AHRR: variants seen among roughly 807,000 people sequenced by gnomAD.
The protein encoded by AHRR is aryl hydrocarbon receptor repressor.
Under a neutral mutation model 44.0 loss-of-function variants are expected in AHRR, and 28 were observed. The ratio of observed to expected loss-of-function variants is 0.64; its 90% CI spans 0.47 to 0.87. The LOEUF (loss-of-function observed/expected upper bound fraction) is 0.87. Ranked by LOEUF, AHRR falls within the 40% of genes least tolerant of loss-of-function variation. The probability of loss-of-function intolerance (pLI) is 0.00; values close to 1 mark genes in which losing one functional copy is unlikely to be tolerated. For synonymous variants in AHRR, 434 were observed against 407.0 expected (o/e 1.07, Z -0.80); for missense variants, 990 against 953.9 (o/e 1.04, Z -0.50).
In AHRR at chr5:404,100, G is replaced by T. The variant is rs1156928175; in HGVS notation, c.352-9244G>T. The T allele has an allele frequency of 6.7e-6, 4 of 595,372 alleles. No homozygotes were observed. Among genetic ancestry groups the T allele is most frequent in the Non-Finnish European group, 1.3e-5 (4 of 313,768 alleles). The allele number at this position is 595,372 out of a possible 1,614,324, so 36.9% of individuals were successfully genotyped here. Reference sequence around the variant, plus strand: ...AAGAAAAAGTCAGTTCCGTTGTCAGGGTTGGTCCAGGTTTGGGGTTACCCT... The same window carrying T: ...AAGAAAAAGTCAGTTCCGTTGTCAGTGTTGGTCCAGGTTTGGGGTTACCCT... On this transcript the variant is annotated intron_variant, in intron 4 of 10. Transcript: ENST00000684583. The surrounding 1 kb of genome is among the most constrained non-coding windows in gnomAD (Gnocchi z 4.1).
chr5:391,445 A>G (rs1734445725), intron 4 of AHRR, among the ~76,000 whole-genome samples: 1 of 106,126 alleles, frequency 9.4e-6, no homozygotes, highest in Non-Finnish European at 1.8e-5. Context: ...AGGCGGGCGC[A>G]GGGCGAGGCA....
intron 7 of AHRR, among the ~76,000 whole-genome samples, chr5:424,345 G>C (rs547685266): frequency 4.8e-5 from 7 of 145,980 alleles, no homozygotes; most frequent in Non-Finnish European, 1.1e-4. Flanking sequence ...ACTGAGCTCT[G>C]TGCACCCTGT....
intron 7 of AHRR, among the ~76,000 whole-genome samples, chr5:427,313 C>T (rs1257944154): frequency 1.3e-5 from 2 of 152,146 alleles, no homozygotes; most frequent in African/African-American, 4.8e-5. Context: ...TCACTGTACA[C>T]CCTAGATAAA....
At chr5:363,105 T>C (rs1414046875) in intron 3 of AHRR, among the ~76,000 whole-genome samples, 1 of 152,216 alleles carries the variant, frequency 6.6e-6, no homozygotes, top group East Asian at 1.9e-4. Context: ...CTTCCCAACC[T>C]CACCTGGTGC....
intron 5 of AHRR, among the ~76,000 whole-genome samples, chr5:417,506 C>T (rs1365210231): frequency 6.6e-6 from 1 of 152,234 alleles, no homozygotes; most frequent in Non-Finnish European, 1.5e-5. Flanking sequence ...TCTGCATGCT[C>T]AGAATCACTG....
rs10687351 is a variant in AHRR, at chr5:408,393, T to TTC, written c.352-4951_352-4950insTC. Reference sequence around the variant, plus strand: ...CTATTTTCCTGAGCCTTTTTTTTTTTCAGGAATAATTGTTGAATTTCATTG... The same window carrying TTC: ...CTATTTTCCTGAGCCTTTTTTTTTTTTCCAGGAATAATTGTTGAATTTCATTG... On this transcript the variant is annotated intron_variant, in intron 4 of 10. Transcript: ENST00000684583. 3.9e-5 allele frequency among the ~76,000 whole-genome samples: 6 copies of TTC among 152,166 alleles called. No homozygotes were observed. In the East Asian group the frequency reaches 1.2e-3, roughly 29 times the overall value.
chr5:392,607 G>A (rs567266719), intron 4 of AHRR, among the ~76,000 whole-genome samples: 3 of 152,296 alleles, frequency 2.0e-5, no homozygotes, highest in East Asian at 3.9e-4. Context: ...TAGCAAGACA[G>A]AGGAAAATGC....
chr5:413,188 A>G (rs1410501201), intron 4 of AHRR, among the ~76,000 whole-genome samples, 156 bp from the exon 5 acceptor site: 3 of 152,218 alleles, frequency 2.0e-5, no homozygotes, highest in Non-Finnish European at 4.4e-5. Flanking sequence ...GCCTGTGACA[A>G]AATGGTAATA....
chr5:392,721 C>A (rs1027230688), intron 4 of AHRR, among the ~76,000 whole-genome samples: 1 of 152,126 alleles, frequency 6.6e-6, no homozygotes, highest in South Asian at 2.1e-4. Context: ...TCGGTGGAGG[C>A]TTGCATGCTG....
chr5:330,869 A>ATTTTT (rs34221385), intron 1 of AHRR, among the ~76,000 whole-genome samples: 7 of 97,494 alleles, frequency 7.2e-5, no homozygotes, highest in African/African-American at 2.6e-4. Flanking sequence ...ATAATTCAGC[A>ATTTTT]TTTTTTTTTT....
intron 3 of AHRR, among the ~76,000 whole-genome samples, chr5:359,404 C>G (rs1342479221): frequency 1.3e-5 from 2 of 150,652 alleles, no homozygotes; most frequent in African/African-American, 4.8e-5. Flanking sequence ...TGGAGGCCGT[C>G]AGTCACGGAG....
At position 353,216 on chromosome 5, in the gene AHRR, A is replaced by C. The variant is rs146506232; in HGVS notation, c.63-514A>C. 3.0e-3 allele frequency among the ~76,000 whole-genome samples: 456 copies of C among 152,290 alleles called. 3 individuals carry two copies. The highest frequency in any genetic ancestry group is 0.01 in the African/African-American group (431 of 41,552). ...CCTCAGCCCCAGCATGTACAGGAGA[A>C]ACCAAGCTCGGAGCGGCCTTGGGCA... is the stretch of plus-strand genomic sequence containing the variant. On this transcript the variant is annotated intron_variant, in intron 2 of 10. Transcript: ENST00000684583.
rs759753230 is a variant in AHRR at position 432,790 on chromosome 5, C to CA, written c.971-16_971-15insA. Reference sequence around the variant, plus strand: ...CTCGCACCGTGACGGCTTCCCCCCCCTCTAAACCCCAACAGGAAGGAGCAG... The same window carrying CA: ...CTCGCACCGTGACGGCTTCCCCCCCCATCTAAACCCCAACAGGAAGGAGCAG... On this transcript the variant is annotated splice_polypyrimidine_tract_variant and intron_variant, in intron 9 of 10. Transcript: ENST00000684583. 6.2e-6 allele frequency: 10 copies of CA among 1,613,258 alleles called. No homozygotes were observed. The South Asian group carries it at 6.6e-5, about 11-fold the overall frequency.
At position 365,922 on chromosome 5, in the gene AHRR, A is replaced by C. The variant is rs564324327; in HGVS notation, c.245-10688A>C. Among the ~76,000 whole-genome samples, 36 of 152,344 alleles carry C rather than the reference A, an allele frequency of 2.4e-4. 1 individual carries two copies. The South Asian group carries it at 5.6e-3, about 24-fold the overall frequency. On this transcript the variant is annotated intron_variant, in intron 3 of 10. Coordinates refer to ENST00000684583, the MANE Select transcript of AHRR (RefSeq NM_001377236.1). Reference sequence around the variant, plus strand: ...AGCTTCAAAGCAATTTCTACCAAATAGTAAAGAAAAAAATAATTCCATTAT... The same window carrying C: ...AGCTTCAAAGCAATTTCTACCAAATCGTAAAGAAAAAAATAATTCCATTAT...
chr5:368,600 CT>C (rs1399322139), intron 3 of AHRR, among the ~76,000 whole-genome samples: 1 of 152,178 alleles, frequency 6.6e-6, no homozygotes. Context: ...TGCAAGTATT[CT>C]TTTTTTCCCC....
chr5:378,409 C>T (rs900439539), intron 4 of AHRR, among the ~76,000 whole-genome samples: 8 of 152,202 alleles, frequency 5.3e-5, no homozygotes, highest in Non-Finnish European at 7.3e-5. Context: ...CTGGACCCAG[C>T]GCTTCTGTTT....
chr5:375,406 T>C (rs1317119179), intron 3 of AHRR, among the ~76,000 whole-genome samples: 22 of 151,082 alleles, frequency 1.5e-4, no homozygotes, highest in Admixed American at 1.1e-3. Flanking sequence ...GGAGTGAGGG[T>C]GGTGGGGGGC....
intron 5 of AHRR, chr5:422,325 AG>A (rs1743170271): frequency 3.4e-6 from 1 of 298,444 alleles, no homozygotes; most frequent in East Asian, 1.1e-4. Context: ...GTGAAGGTTG[AG>A]GCCTGGGTGT....
chr5:371,597 G>A (rs1743582540), intron 3 of AHRR, among the ~76,000 whole-genome samples: 2 of 152,132 alleles, frequency 1.3e-5, no homozygotes, highest in Non-Finnish European at 2.9e-5. Context: ...GAGCATCTGG[G>A]CCCACCTGTC....
Sources: gnomAD v4.1 joint callset for allele counts (sites outside exome capture counted in the v4.1 genomes callset) on GRCh38, gnomAD v4.1.1 for gene constraint, Gnocchi (gnomAD v3.1) non-coding constraint, MANE v1.5 for transcripts, NCBI Gene and HGNC (gene_info 2026-07-23, HGNC 2026-07-21) for gene names.